WDR89: variants seen among roughly 807,000 people sequenced by gnomAD.
WDR89 encodes WD repeat-containing protein 89.
A neutral mutation model predicts 29.1 loss-of-function variants in WDR89; 17 were observed. That is an observed-to-expected ratio of 0.58 (90% CI 0.40 to 0.88). WDR89 has a LOEUF of 0.88. Among genes scored for constraint, WDR89 ranks in the 40% least tolerant of loss-of-function variants. The pLI is 0.00. For missense variants in WDR89, 396 were observed against 456.3 expected (o/e 0.87, Z 1.20); for synonymous variants, 138 against 157.8 (o/e 0.87, Z 0.94).
chr14:63,608,137 C>T (rs1380034204), intron 2 of WDR89, among the ~76,000 whole-genome samples: 1 of 152,060 alleles, frequency 6.6e-6, no homozygotes, highest in Non-Finnish European at 1.5e-5. Context: ...ACCTGGGAGG[C>T]GGAGGTTGCA....
chr14:63,609,469 T>C (rs75594698), intron 2 of WDR89, among the ~76,000 whole-genome samples: 4,457 of 152,272 alleles, frequency 0.029, 241 homozygotes, highest in African/African-American at 0.1. Flanking sequence ...ATTTTATTTT[T>C]CATTTTATAA....
intron 2 of WDR89, among the ~76,000 whole-genome samples, chr14:63,613,470 T>G (rs1427220277): frequency 6.6e-6 from 1 of 152,110 alleles, no homozygotes. Context: ...CTATTTATTT[T>G]TTGTGTATTC....
chr14:63,601,719 C>A, intron 2 of WDR89: 4 of 1,561,622 alleles, frequency 2.6e-6, no homozygotes, highest in Non-Finnish European at 3.5e-6. Context: ...AGATAAAGTT[C>A]TTCTCCCATA....
At chr14:63,622,044 T>A (rs958626465) in intron 2 of WDR89, among the ~76,000 whole-genome samples, 1 of 152,184 alleles carries the variant, frequency 6.6e-6, no homozygotes, top group African/African-American at 2.4e-5. Flanking sequence ...AGGGTAAATA[T>A]AAGACATTTT....
In WDR89 at chr14:63,599,487, A is replaced by G; in HGVS notation, c.456T>C (p.Ser152=). 6.2e-7 allele frequency: 1 copy of G among 1,614,194 alleles called. No homozygotes were observed. Among genetic ancestry groups the G allele is most frequent in the East Asian group, 2.2e-5 (1 of 44,880 alleles). The change falls in exon 3 of 3, where the codon TCT becomes TCC. Residue 152 remains serine (S), a synonymous_variant. Transcript: ENST00000620954. ...LLVFWDARMN[S]QNLSTTKDSL... is the part of the protein sequence containing the mutation. ...AGTCTTTAGTTGTAGATAAATTCTG[A>G]GAATTCATCCTTGCATCCCAAAACA...
At chr14:63,626,075 A>G (rs1480000627) in intron 1 of WDR89, among the ~76,000 whole-genome samples, 1 of 152,026 alleles carries the variant, frequency 6.6e-6, no homozygotes, top group African/African-American at 2.4e-5. Context: ...GATGGTCTCA[A>G]TCTCCTGACC....
At chr14:63,605,205 T>TACACACACACACACAC (rs778938395) in intron 2 of WDR89, among the ~76,000 whole-genome samples, 2 of 128,080 alleles carry the variant, frequency 1.6e-5, no homozygotes, top group African/African-American at 8.3e-5. Flanking sequence ...CATATATACA[T>TACACACACACACACAC]ACACATACAC....
chr14:63,605,142 C>T (rs1329982302), intron 2 of WDR89, among the ~76,000 whole-genome samples: 1 of 151,512 alleles, frequency 6.6e-6, no homozygotes, highest in Non-Finnish European at 1.5e-5. Flanking sequence ...GAGCAAGACA[C>T]GTGCTGTCTG....
chr14:63,611,349 A>G (rs1050764379), intron 2 of WDR89, among the ~76,000 whole-genome samples: 2 of 151,148 alleles, frequency 1.3e-5, no homozygotes, highest in African/African-American at 4.9e-5. Context: ...AAAAAAAAAA[A>G]AAAAAAAAAA....
intron 1 of WDR89, among the ~76,000 whole-genome samples, chr14:63,634,176 C>T (rs760594486): frequency 3.9e-5 from 6 of 152,114 alleles, no homozygotes; most frequent in Admixed American, 6.6e-5. Context: ...CACTTCAGTC[C>T]AGGAGTTCGA....
chr14:63,613,852 C>T (rs1882143792), intron 2 of WDR89, among the ~76,000 whole-genome samples: 1 of 127,938 alleles, frequency 7.8e-6, no homozygotes, highest in Admixed American at 8.8e-5. Flanking sequence ...TTAATACAAA[C>T]ACGGTCTCAC....
intron 1 of WDR89, among the ~76,000 whole-genome samples, chr14:63,631,768 A>C (rs756931669): frequency 6.6e-6 from 1 of 152,154 alleles, no homozygotes; most frequent in Non-Finnish European, 1.5e-5. Context: ...CAGGTGCAGA[A>C]GGAATCCAGG....
chr14:63,640,554 T>A (rs956199738), intron 1 of WDR89, among the ~76,000 whole-genome samples: 1 of 151,510 alleles, frequency 6.6e-6, no homozygotes, highest in African/African-American at 2.4e-5. Flanking sequence ...AGTAGCACGA[T>A]CTTGGCTCAC....
chr14:63,610,230 A>C (rs1881871580), intron 2 of WDR89, among the ~76,000 whole-genome samples: 2 of 151,034 alleles, frequency 1.3e-5, no homozygotes, highest in South Asian at 2.1e-4. Context: ...AAAAAAAAAA[A>C]AAAAAAAAAA....
intron 2 of WDR89, chr14:63,601,406 TG>T (rs1241657950): frequency 1.9e-5 from 13 of 700,316 alleles, no homozygotes; most frequent in Non-Finnish European, 3.2e-5. Context: ...CAGGGTGGGC[TG>T]TATGTAGGAC....
At chr14:63,605,962 T>A (rs1309888335) in intron 2 of WDR89, among the ~76,000 whole-genome samples, 1 of 151,944 alleles carries the variant, frequency 6.6e-6, no homozygotes, top group Non-Finnish European at 1.5e-5. Flanking sequence ...AAATTGATGA[T>A]CCTGACCGTG....
In WDR89 at chr14:63,637,932, C is replaced by T. The variant is rs145111494; in HGVS notation, c.-138+3872G>A. Among the ~76,000 whole-genome samples, 822 of 152,106 alleles carry T rather than the reference C, an allele frequency of 5.4e-3. 9 individuals are homozygous for T. Among genetic ancestry groups the T allele is most frequent in the African/African-American group, 0.019 (797 of 41,470 alleles). ...CTCATATAACCAAATACCACCTGTA[C>T]CCCAATAACTTACGGAAAAATTTTT... On this transcript the variant is annotated intron_variant, in intron 1 of 2. Transcript: ENST00000620954.
At chr14:63,600,401 TAGG>T (rs1895005165) in intron 2 of WDR89, among the ~76,000 whole-genome samples, 1 of 151,942 alleles carries the variant, frequency 6.6e-6, no homozygotes, top group Non-Finnish European at 1.5e-5. Context: ...GAGGCTGAGG[TAGG>T]AGGACTGCTT....
At chr14:63,638,125 A>C (rs538675695) in intron 1 of WDR89, among the ~76,000 whole-genome samples, 1 of 152,076 alleles carries the variant, frequency 6.6e-6, no homozygotes, top group Non-Finnish European at 1.5e-5. Flanking sequence ...TTGTATTTTT[A>C]GTAGAGACAG....
Sources: gnomAD v4.1 joint callset for allele counts (sites outside exome capture counted in the v4.1 genomes callset) on GRCh38, gnomAD v4.1.1 for gene constraint, MANE v1.5 for transcripts, NCBI Gene and HGNC (gene_info 2026-07-23, HGNC 2026-07-21) for gene names.